Variants in ASB18 observed in about 807,000 individuals in gnomAD.
ASB18 encodes the protein ankyrin repeat and SOCS box containing 18, also known as ankyrin repeat and SOCS box protein 18.
In ASB18, 33 loss-of-function variants were observed where a neutral mutation model predicts 33.4. That is an observed-to-expected ratio of 0.99 (90% confidence interval 0.75 to 1.32). ASB18 has a LOEUF of 1.32. Among genes scored for constraint, ASB18 ranks in the 40% most tolerant of loss-of-function variants. The pLI is 0.00. For synonymous variants in ASB18, 295 were observed against 307.6 expected (o/e 0.96, Z 0.43); for missense variants, 694 against 655.5 (o/e 1.06, Z -0.64).
rs1490097682 is a variant in ASB18, at chr2:236,196,656, G to A, written c.1102-271C>T. Among the ~76,000 whole-genome samples the A allele has an allele frequency of 6.6e-6, 1 of 152,212 alleles. No homozygotes were observed. The highest frequency in any genetic ancestry group is 2.4e-5 in the African/African-American group (1 of 41,444). On this transcript the variant is annotated intron_variant, in intron 4 of 5. Transcript: ENST00000409749. The surrounding 1 kb of genome is among the most constrained non-coding windows in gnomAD (Gnocchi z 5.6). Reference sequence around the variant, plus strand: ...GCCAAAGTCTGGGCCAAGTGCTTAAGCATTCAGGTTCCCAGGGGGGCTATG... The same window carrying A: ...GCCAAAGTCTGGGCCAAGTGCTTAAACATTCAGGTTCCCAGGGGGGCTATG...
rs1392257622 is a variant in ASB18, at chr2:236,203,441, G to A, written c.1102-7056C>T. The stretch of plus-strand genomic sequence containing the variant: ...GGGGCATGAGTCTGACATGGGGAGT[G>A]CTCGGAAATGAAACAGGAGAGGAAA... On this transcript the variant is annotated intron_variant, in intron 4 of 5. Coordinates refer to ENST00000409749, the MANE Select transcript of ASB18 (RefSeq NM_212556.4). The surrounding 1 kb of genome is among the most constrained non-coding windows in gnomAD (Gnocchi z 6.0). Among the ~76,000 whole-genome samples, 4 of 152,170 alleles carry A rather than the reference G, an allele frequency of 2.6e-5. No individual in the cohort carries two copies. The highest frequency in any genetic ancestry group is 9.7e-5 in the African/African-American group (4 of 41,442).
rs975681917 is a variant in ASB18 at position 236,213,369 on chromosome 2, G to A, written c.1101+993C>T. Reference sequence around the variant, plus strand: ...GAGAAATGAGTGAATCTCACTTCTCGATGGTTCAGACCACTGAGAACACTG... The same window carrying A: ...GAGAAATGAGTGAATCTCACTTCTCAATGGTTCAGACCACTGAGAACACTG... On this transcript the variant is annotated intron_variant, in intron 4 of 5. Transcript: ENST00000409749. The surrounding 1 kb of genome is among the most constrained non-coding windows in gnomAD (Gnocchi z 4.8). Among the ~76,000 whole-genome samples the A allele has an allele frequency of 1.3e-5, 2 of 152,096 alleles. No individual in the cohort carries two copies. The highest frequency in any genetic ancestry group is 2.9e-5 in the Non-Finnish European group (2 of 68,032).
Position 236,250,359 on chromosome 2 carries a change from T to C in ASB18, c.206-8957A>G, listed in dbSNP as rs1168805600. ...CTGCAGGACACCCTGCCATTTTCTC[T>C]TGTTCTTGGGGAATGGCAAATGTTC... On this transcript the variant is annotated intron_variant, in intron 1 of 5. Coordinates refer to ENST00000409749, the MANE Select transcript of ASB18 (RefSeq NM_212556.4). This position sits in a 1 kb window ranked among gnomAD's most constrained non-coding sequence, Gnocchi z 4.1. 2 of 152,226 alleles carry C rather than the reference T, an allele frequency of 1.3e-5. No individual in the cohort carries two copies. The highest frequency in any genetic ancestry group is 2.9e-5 in the Non-Finnish European group (2 of 68,048). The allele number at this position is 152,226 out of a possible 1,614,324, so 9.4% of individuals were successfully genotyped here.
At position 236,235,093 on chromosome 2, in the gene ASB18, A is replaced by G. The variant is rs1319061059; in HGVS notation, c.596+2596T>C. 6.6e-6 allele frequency among the ~76,000 whole-genome samples: 1 copy of G among 152,228 alleles called. No homozygotes were observed. The highest frequency in any genetic ancestry group is 1.9e-4 in the East Asian group (1 of 5,198). On this transcript the variant is annotated intron_variant, in intron 3 of 5. Transcript: ENST00000409749. This position sits in a 1 kb window ranked among gnomAD's most constrained non-coding sequence, Gnocchi z 6.2. ...ATATCCCAAGAAACCTCAAACTTAAATAAGAAAACCAACCCAATTTTAAAA... is the reference window on the plus strand; with the variant it reads ...ATATCCCAAGAAACCTCAAACTTAAGTAAGAAAACCAACCCAATTTTAAAA...
chr2:236,218,478 T>A lies in ASB18; in HGVS notation c.597-3612A>T, dbSNP rs377654197. On this transcript the variant is annotated intron_variant, in intron 3 of 5. Transcript: ENST00000409749. ...CTGTACAGTCCCATTTTGAAAAAGC[T>A]TAAATATATCTATGCGTATATGAAG... 2.6e-4 allele frequency among the ~76,000 whole-genome samples: 39 copies of A among 152,290 alleles called. 1 individual carries two copies. The highest frequency in any genetic ancestry group is 9.1e-4 in the African/African-American group (38 of 41,562).
intron 3 of ASB18, among the ~76,000 whole-genome samples, chr2:236,218,195 C>T (rs952997661): frequency 3.9e-5 from 6 of 152,144 alleles, no homozygotes. Context: ...GGACACTGGC[C>T]CACCCTCTGG....
Position 236,251,923 on chromosome 2 carries a change from C to T in ASB18, c.206-10521G>A, listed in dbSNP as rs1167984832. ...CTGTTCAGTTTGGAAATGTTCTATA[C>T]TGAGTTTACATGTACAGAGCATTTT... is the stretch of plus-strand genomic sequence containing the variant. On this transcript the variant is annotated intron_variant, in intron 1 of 5. Coordinates refer to ENST00000409749, the MANE Select transcript of ASB18 (RefSeq NM_212556.4). The surrounding 1 kb of genome is among the most constrained non-coding windows in gnomAD (Gnocchi z 5.3). Among the ~76,000 whole-genome samples the T allele has an allele frequency of 6.6e-6, 1 of 152,124 alleles. No individual in the cohort carries two copies. Among genetic ancestry groups the T allele is most frequent in the Non-Finnish European group, 1.5e-5 (1 of 68,026 alleles).
In ASB18 at chr2:236,255,056, G is replaced by A. The variant is rs2060685883; in HGVS notation, c.205+9085C>T. On this transcript the variant is annotated intron_variant, in intron 1 of 5. Transcript: ENST00000409749. This position sits in a 1 kb window ranked among gnomAD's most constrained non-coding sequence, Gnocchi z 4.4. ...GTTCCGCCGCGACTGAAAGCTTCCTGAAGTCTCCCCAGAAGCCGAAGCCGC... is the reference window on the plus strand; with the variant it reads ...GTTCCGCCGCGACTGAAAGCTTCCTAAAGTCTCCCCAGAAGCCGAAGCCGC... Among the ~76,000 whole-genome samples the A allele has an allele frequency of 6.6e-6, 1 of 152,192 alleles. No homozygotes were observed. Among genetic ancestry groups the A allele is most frequent in the African/African-American group, 2.4e-5 (1 of 41,450 alleles).
rs2060641496 is a variant in ASB18, at chr2:236,245,688, G to C, written c.206-4286C>G. 6.6e-6 allele frequency among the ~76,000 whole-genome samples: 1 copy of C among 152,154 alleles called. No homozygotes were observed. The highest frequency in any genetic ancestry group is 1.5e-5 in the Non-Finnish European group (1 of 68,038). On this transcript the variant is annotated intron_variant, in intron 1 of 5. Coordinates refer to ENST00000409749, the MANE Select transcript of ASB18 (RefSeq NM_212556.4). The surrounding 1 kb of genome is among the most constrained non-coding windows in gnomAD (Gnocchi z 4.7). ...TGGCACTGGGCGCTCTACTATTACT[G>C]CTGGTTCCTTGTCTGTGTCCCACTT...
At position 236,253,066 on chromosome 2, in the gene ASB18, T is replaced by C. The variant is rs6743858; in HGVS notation, c.205+11075A>G. On this transcript the variant is annotated intron_variant, in intron 1 of 5. Transcript: ENST00000409749. The surrounding 1 kb of genome is among the most constrained non-coding windows in gnomAD (Gnocchi z 5.4). ...TAGGTGGCGTCAAGGATCCCCACCGTCCTCGCCAGCCTGGCTTTCTAGATG... is the reference window on the plus strand; with the variant it reads ...TAGGTGGCGTCAAGGATCCCCACCGCCCTCGCCAGCCTGGCTTTCTAGATG... Among the ~76,000 whole-genome samples the C allele has an allele frequency of 0.29, 43,921 of 152,094 alleles. 9,967 individuals carry two copies. Among genetic ancestry groups the C allele is most frequent in the African/African-American group, 0.64 (26,500 of 41,470 alleles).
rs2060488913 is a variant in ASB18 at position 236,216,616 on chromosome 2, C to T, written c.597-1750G>A. Reference sequence around the variant, plus strand: ...TCACCTGAACTGCTTCCTCCCTCCACTCCCAGTGTCACTGTCCTTTGTTGA... The same window carrying T: ...TCACCTGAACTGCTTCCTCCCTCCATTCCCAGTGTCACTGTCCTTTGTTGA... On this transcript the variant is annotated intron_variant, in intron 3 of 5. Transcript: ENST00000409749. This position sits in a 1 kb window ranked among gnomAD's most constrained non-coding sequence, Gnocchi z 6.1. Among the ~76,000 whole-genome samples the T allele has an allele frequency of 6.6e-6, 1 of 152,230 alleles. No individual in the cohort carries two copies. Among genetic ancestry groups the T allele is most frequent in the Admixed American group, 6.5e-5 (1 of 15,290 alleles).
chr2:236,233,785 G>C (rs190677868), intron 3 of ASB18, among the ~76,000 whole-genome samples: 7 of 152,244 alleles, frequency 4.6e-5, no homozygotes, highest in African/African-American at 1.4e-4. Flanking sequence ...GGAGTATATT[G>C]TGTGCATGAT....
rs1323260210 is a variant in ASB18 at position 236,217,608 on chromosome 2, A to G, written c.597-2742T>C. 6.6e-6 allele frequency among the ~76,000 whole-genome samples: 1 copy of G among 152,044 alleles called. No individual in the cohort carries two copies. The highest frequency in any genetic ancestry group is 1.9e-4 in the East Asian group (1 of 5,174). ...TTATATTGCCGCTGCTTTTCCTACT[A>G]TATTAACCTAACTGGGGCTCTGAAC... On this transcript the variant is annotated intron_variant, in intron 3 of 5. Transcript: ENST00000409749. This position sits in a 1 kb window ranked among gnomAD's most constrained non-coding sequence, Gnocchi z 5.2.
At chr2:236,243,470 G>C (rs1313492757) in intron 1 of ASB18, among the ~76,000 whole-genome samples, 1 of 152,052 alleles carries the variant, frequency 6.6e-6, no homozygotes, top group Non-Finnish European at 1.5e-5. Context: ...GTGTTCCAAG[G>C]GTTGTGGCCA....
In ASB18 at chr2:236,255,184, C is replaced by A. The variant is rs2060686502; in HGVS notation, c.205+8957G>T. Among the ~76,000 whole-genome samples the A allele has an allele frequency of 6.6e-6, 1 of 152,050 alleles. No individual in the cohort carries two copies. The highest frequency in any genetic ancestry group is 6.6e-5 in the Admixed American group (1 of 15,266). On this transcript the variant is annotated intron_variant, in intron 1 of 5. Transcript: ENST00000409749. The surrounding 1 kb of genome is among the most constrained non-coding windows in gnomAD (Gnocchi z 4.4). The stretch of plus-strand genomic sequence containing the variant: ...TTTGAGACGGAGTCTCATTCTGTCG[C>A]CCAGGCCTGAGTGCAGTAGCGCGAT...
chr2:236,261,258 GGTCCCTTTCCTCTCATCT>G (rs2060716836), intron 1 of ASB18, among the ~76,000 whole-genome samples: 1 of 152,142 alleles, frequency 6.6e-6, no homozygotes, highest in Non-Finnish European at 1.5e-5. Flanking sequence ...CAAGAACCTG[GGTCCCTTTCCTCTCATCT>G]TTGTTACTTT....
At position 236,238,915 on chromosome 2, in the gene ASB18, T is replaced by C. The variant is rs976664804; in HGVS notation, c.329-959A>G. 1.3e-5 allele frequency among the ~76,000 whole-genome samples: 2 copies of C among 152,160 alleles called. No homozygotes were observed. Among genetic ancestry groups the C allele is most frequent in the Non-Finnish European group, 2.9e-5 (2 of 68,026 alleles). On this transcript the variant is annotated intron_variant, in intron 2 of 5. Transcript: ENST00000409749. This position sits in a 1 kb window ranked among gnomAD's most constrained non-coding sequence, Gnocchi z 5.2. ...TCCCAGGACCCATGCTGAGCAGCCT[T>C]GAAAGTCCATTCATTAATTACCTAC...
At position 236,262,133 on chromosome 2, in the gene ASB18, A is replaced by G. The variant is rs2060721664; in HGVS notation, c.205+2008T>C. Among the ~76,000 whole-genome samples, 1 of 152,250 alleles carries G rather than the reference A, an allele frequency of 6.6e-6. No homozygotes were observed. Among genetic ancestry groups the G allele is most frequent in the Non-Finnish European group, 1.5e-5 (1 of 68,044 alleles). On this transcript the variant is annotated intron_variant, in intron 1 of 5. Transcript: ENST00000409749. This position sits in a 1 kb window ranked among gnomAD's most constrained non-coding sequence, Gnocchi z 5.2. ...TGTTTGGTAAAATGAGACACACAGT[A>G]AAGATTTTGCAGGGCAATTAGTAAT...
At chr2:236,202,735 C>T (rs1028718226) in intron 4 of ASB18, among the ~76,000 whole-genome samples, 3 of 145,280 alleles carry the variant, frequency 2.1e-5, no homozygotes, top group South Asian at 2.2e-4. Context: ...GTTGAGATCA[C>T]GCCACTGCAC....
Sources: gnomAD v4.1 joint callset for allele counts (sites outside exome capture counted in the v4.1 genomes callset) on GRCh38, gnomAD v4.1.1 for gene constraint, Gnocchi (gnomAD v3.1) non-coding constraint, MANE v1.5 for transcripts, NCBI Gene and HGNC (gene_info 2026-07-23, HGNC 2026-07-21) for gene names.